Variants in DPF3 observed in about 807,000 individuals in gnomAD.
The protein encoded by DPF3 is zinc finger protein DPF3.
Under a neutral mutation model 56.8 loss-of-function variants are expected in DPF3, and 18 were observed. That is an observed-to-expected ratio of 0.32 (90% confidence interval 0.22 to 0.47). DPF3 has a LOEUF of 0.47. DPF3 is among the 20% of genes least tolerant of loss of function. DPF3 has a pLI of 1.00. For synonymous variants in DPF3, 188 were observed against 180.2 expected, an observed-to-expected ratio of 1.04 and a Z score of -0.35; for missense variants, 403 against 488.8, an observed-to-expected ratio of 0.82 and a Z score of 1.65.
At chr14:72,831,214 C>T (rs1248243240) in intron 1 of DPF3, among the ~76,000 whole-genome samples, 4 of 152,078 alleles carry the variant, frequency 2.6e-5, no homozygotes, top group Admixed American at 1.3e-4. Context: ...AAACGTGACG[C>T]GGGAGGGGAT....
intron 1 of DPF3, among the ~76,000 whole-genome samples, chr14:72,822,972 C>A (rs79580332): frequency 0.016 from 2,412 of 152,298 alleles, 61 homozygotes; most frequent in African/African-American, 0.055. Flanking sequence ...CAGAAGCCCT[C>A]GCTCCCATCG....
At chr14:72,709,593 GA>G (rs1555498956) in intron 6 of DPF3, among the ~76,000 whole-genome samples, 1 of 152,162 alleles carries the variant, frequency 6.6e-6, no homozygotes, top group Non-Finnish European at 1.5e-5. Flanking sequence ...CAGCCTTCAA[GA>G]GAATGAAACT....
At chr14:72,732,104 C>A (rs539447178) in intron 3 of DPF3, among the ~76,000 whole-genome samples, 170 bp from the exon 4 acceptor site, 2 of 152,312 alleles carry the variant, frequency 1.3e-5, no homozygotes, top group Admixed American at 6.5e-5. Flanking sequence ...TTTCCATCTC[C>A]ATTTCATAAT....
At position 72,661,658 on chromosome 14, in the gene DPF3, C is replaced by A. The variant is rs369686203; in HGVS notation, c.871+12582G>T. On this transcript the variant is annotated intron_variant, in intron 8 of 10. Transcript: ENST00000556509. ...CCAGAAAGGGCCATGTTAGAACACC[C>A]GCCGTCTTCCTTGGCTCCCACCAGC... 5.1e-6 allele frequency: 5 copies of A among 985,390 alleles called. No homozygotes were observed. In the East Asian group the frequency reaches 3.4e-4, roughly 67 times the overall value. The allele number at this position is 985,390 out of a possible 1,614,324, so 61.0% of individuals were successfully genotyped here.
chr14:72,611,737 T>C lies in DPF3; in HGVS notation c.*7560A>G, dbSNP rs1883739805. ...GATGCTGTCATCCAAGGGCATCCAG[T>C]GCTTGGAAAAGCAGATTAAAGCAAC... On this transcript the variant is annotated 3_prime_UTR_variant, in exon 11 of 11. Coordinates refer to ENST00000556509, the MANE Select transcript of DPF3 (RefSeq NM_001280542.3). Among the ~76,000 whole-genome samples the C allele has an allele frequency of 6.6e-6, 1 of 152,194 alleles. No individual in the cohort carries two copies. Among genetic ancestry groups the C allele is most frequent in the African/African-American group, 2.4e-5 (1 of 41,438 alleles).
intron 1 of DPF3, among the ~76,000 whole-genome samples, chr14:72,789,695 A>AT (rs889125533): frequency 1.3e-5 from 2 of 150,782 alleles, no homozygotes; most frequent in South Asian, 2.1e-4. Flanking sequence ...TTCCCAGCTA[A>AT]TTTTTTTTTC....
At chr14:72,738,043 T>C (rs1338855374) in intron 3 of DPF3, among the ~76,000 whole-genome samples, 1 of 152,098 alleles carries the variant, frequency 6.6e-6, no homozygotes, top group Non-Finnish European at 1.5e-5. Flanking sequence ...AGAAAAGAGC[T>C]TAAGAATCAT....
chr14:72,778,373 T>C (rs553219972), intron 1 of DPF3, among the ~76,000 whole-genome samples: 8 of 152,222 alleles, frequency 5.3e-5, no homozygotes, highest in African/African-American at 1.9e-4. Flanking sequence ...ATATGAGGGA[T>C]CTAGGTTGCC....
At chr14:72,804,232 A>G (rs1012007772) in intron 1 of DPF3, among the ~76,000 whole-genome samples, 3 of 143,850 alleles carry the variant, frequency 2.1e-5, no homozygotes, top group Non-Finnish European at 4.6e-5. Flanking sequence ...CACGCAGACA[A>G]AGATTCCCCC....
intron 8 of DPF3, among the ~76,000 whole-genome samples, chr14:72,631,713 G>A (rs959641537): frequency 5.9e-5 from 9 of 152,198 alleles, no homozygotes; most frequent in African/African-American, 2.2e-4. Context: ...GACACAGTGG[G>A]GATGAGCAAG....
At position 72,892,772 on chromosome 14, in the gene DPF3, G is replaced by A. The variant is rs555141536; in HGVS notation, c.32+1285C>T. The stretch of plus-strand genomic sequence containing the variant: ...TCGCCTGCGGCTTCGTCCGGGCGGG[G>A]AAGTCCCGGTCGAAGGGGTGAGGAC... On this transcript the variant is annotated intron_variant, in intron 1 of 10. Transcript: ENST00000556509. 7.0e-4 allele frequency: 630 copies of A among 896,356 alleles called. 5 individuals are homozygous for A. In the African/African-American group the frequency reaches 0.011, roughly 16 times the overall value. 55.5% of individuals were successfully genotyped at this position (896,356 alleles called of 1,614,324 possible).
At position 72,804,578 on chromosome 14, in the gene DPF3, A is replaced by C. The variant is rs77140128; in HGVS notation, c.33-32685T>G. Among the ~76,000 whole-genome samples the C allele has an allele frequency of 3.3e-5, 5 of 152,112 alleles. No individual in the cohort carries two copies. In the East Asian group the frequency reaches 9.6e-4, roughly 29 times the overall value. On this transcript the variant is annotated intron_variant, in intron 1 of 10. Transcript: ENST00000556509. ...CAAGGCCTTCTTTCATGGAATTGATAGAGTATTGGGGGAAGGGGCTGAGAG... is the reference window on the plus strand; with the variant it reads ...CAAGGCCTTCTTTCATGGAATTGATCGAGTATTGGGGGAAGGGGCTGAGAG...
chr14:72,841,185 C>A (rs1027895540), intron 1 of DPF3, among the ~76,000 whole-genome samples: 8 of 152,006 alleles, frequency 5.3e-5, no homozygotes, highest in Admixed American at 3.9e-4. Flanking sequence ...GAAGGGAGGG[C>A]AAAACAGAAC....
intron 3 of DPF3, among the ~76,000 whole-genome samples, chr14:72,749,845 T>TG (rs1456016133): frequency 1.5e-5 from 2 of 134,752 alleles, no homozygotes; most frequent in African/African-American, 5.7e-5. Context: ...GAGACCCTGT[T>TG]TAAAAAAAAA....
intron 1 of DPF3, among the ~76,000 whole-genome samples, chr14:72,818,265 G>A (rs1277479230): frequency 4.6e-5 from 7 of 151,664 alleles, no homozygotes; most frequent in African/African-American, 7.3e-5. Context: ...ACTTCCAGAA[G>A]AAAACATGGG....
At chr14:72,701,940 C>T (rs1029002687) in intron 6 of DPF3, among the ~76,000 whole-genome samples, 1 of 152,232 alleles carries the variant, frequency 6.6e-6, no homozygotes, top group African/African-American at 2.4e-5. Context: ...CCATGCCTGT[C>T]ATCTGCCGAT....
intron 1 of DPF3, among the ~76,000 whole-genome samples, chr14:72,779,703 A>G (rs767480044): frequency 1.4e-4 from 21 of 152,264 alleles, no homozygotes; most frequent in Non-Finnish European, 1.8e-4. Flanking sequence ...TCTGGCACAC[A>G]GACATAAAAG....
chr14:72,686,430 G>A (rs968051092), intron 7 of DPF3, among the ~76,000 whole-genome samples: 1 of 152,202 alleles, frequency 6.6e-6, no homozygotes, highest in Non-Finnish European at 1.5e-5. Context: ...TATAGATGAG[G>A]CAACTAAGAA....
At chr14:72,789,985 C>T (rs188393523) in intron 1 of DPF3, among the ~76,000 whole-genome samples, 4 of 152,264 alleles carry the variant, frequency 2.6e-5, no homozygotes, top group Non-Finnish European at 5.9e-5. Flanking sequence ...GTGTGGGTGG[C>T]TCATGCCTGT....
Sources: allele counts gnomAD v4.1 joint callset (sites outside exome capture counted in the v4.1 genomes callset), GRCh38; gene constraint gnomAD v4.1.1; transcripts MANE v1.5; gene names NCBI Gene and HGNC (gene_info 2026-07-23, HGNC 2026-07-21).